Variants in PICALM observed in about 807,000 individuals in gnomAD.
PICALM encodes phosphatidylinositol-binding clathrin assembly protein.
In PICALM, 40 loss-of-function variants were observed where a neutral mutation model predicts 80.5. The ratio of observed to expected loss-of-function variants is 0.50; its 90% CI spans 0.39 to 0.65. The LOEUF (loss-of-function observed/expected upper bound fraction) is 0.65. PICALM is among the 30% of genes least tolerant of loss of function. PICALM has a pLI of 0.00. For missense variants in PICALM, 676 were observed against 778.9 expected (o/e 0.87, Z 1.57); for synonymous variants, 288 against 260.3 (o/e 1.11, Z -1.02).
At chr11:86,005,427 C>A (rs559408626) in intron 8 of PICALM, among the ~76,000 whole-genome samples, 1 of 152,200 alleles carries the variant, frequency 6.6e-6, no homozygotes, top group African/African-American at 2.4e-5. Flanking sequence ...AGGCTGGGCA[C>A]AGTGACTCAC....
intron 19 of PICALM, among the ~76,000 whole-genome samples, chr11:85,959,374 T>C (rs1002458744): frequency 6.6e-6 from 1 of 151,984 alleles, no homozygotes; most frequent in Admixed American, 6.6e-5. Flanking sequence ...ACACCTGTAA[T>C]CCCAGCACTC....
At chr11:86,022,981 G>T (rs1247902111) in intron 3 of PICALM, among the ~76,000 whole-genome samples, 1 of 152,014 alleles carries the variant, frequency 6.6e-6, no homozygotes, top group African/African-American at 2.4e-5. Context: ...CAAGTTCAGG[G>T]TGTAACAAAA....
intron 19 of PICALM, among the ~76,000 whole-genome samples, chr11:85,965,815 G>GTTTTTTTT (rs914561533): frequency 7.9e-4 from 85 of 108,132 alleles, no homozygotes; most frequent in East Asian, 4.4e-3. Flanking sequence ...TTGTTTTTTT[G>GTTTTTTTT]TTTTTTTTTT....
At chr11:86,023,940 A>G (rs1413743411) in intron 3 of PICALM, among the ~76,000 whole-genome samples, 2 of 152,116 alleles carry the variant, frequency 1.3e-5, no homozygotes, top group African/African-American at 2.4e-5. Context: ...CCTGGTCAAC[A>G]GAGCAAGAGC....
chr11:86,055,581 C>G (rs1471787087), intron 1 of PICALM, among the ~76,000 whole-genome samples: 2 of 152,164 alleles, frequency 1.3e-5, no homozygotes. Flanking sequence ...ACATTTTTCT[C>G]CTGCACAATT....
intron 13 of PICALM, among the ~76,000 whole-genome samples, chr11:85,985,096 C>T (rs1175696302): frequency 6.6e-6 from 1 of 152,112 alleles, no homozygotes; most frequent in Non-Finnish European, 1.5e-5. Flanking sequence ...AAAAACTACA[C>T]CATTAGGGAG....
intron 19 of PICALM, among the ~76,000 whole-genome samples, chr11:85,960,032 T>C (rs1466510755): frequency 6.6e-6 from 1 of 152,192 alleles, no homozygotes; most frequent in Non-Finnish European, 1.5e-5. Flanking sequence ...AAATTTGAAA[T>C]ATTATTTCCA....
At chr11:85,978,380 A>C in intron 17 of PICALM, 1 of 222,144 alleles carries the variant, frequency 4.5e-6, no homozygotes, top group Non-Finnish European at 8.9e-6. Flanking sequence ...AACAGTGCAA[A>C]ATTTTGGGCA....
chr11:85,989,100 CCT>C (rs2094681802), intron 13 of PICALM, among the ~76,000 whole-genome samples: 1 of 152,150 alleles, frequency 6.6e-6, no homozygotes, highest in South Asian at 2.1e-4. Flanking sequence ...AAATGTCTTC[CCT>C]CTGTCAAGGT....
Position 86,026,386 on chromosome 11 carries a change from A to G in PICALM, c.274-19T>C. On this transcript the variant is annotated intron_variant, in intron 2 of 19. Transcript: ENST00000393346. ...TAAAACGCTGGAAAAAAAAAATTAC[A>G]TCATATTAAGGTACTGCCATCTCAC... 2 of 1,512,552 alleles carry G rather than the reference A, an allele frequency of 1.3e-6. No homozygotes were observed. The highest frequency in any genetic ancestry group is 2.3e-5 in the East Asian group (1 of 44,230). 93.7% of individuals were successfully genotyped at this position (1,512,552 alleles called of 1,614,324 possible).
chr11:85,967,736 C>T (rs986160918), intron 19 of PICALM, among the ~76,000 whole-genome samples: 1 of 151,990 alleles, frequency 6.6e-6, no homozygotes, highest in Non-Finnish European at 1.5e-5. Context: ...AACCAAAAAA[C>T]AAAACCAAAA....
chr11:86,044,847 G>A (rs2096042741), intron 1 of PICALM, among the ~76,000 whole-genome samples: 1 of 152,290 alleles, frequency 6.6e-6, no homozygotes, highest in Non-Finnish European at 1.5e-5. Context: ...AGAATCTAAT[G>A]CCTATGATCG....
chr11:86,029,543 T>G (rs1014846999), intron 2 of PICALM, among the ~76,000 whole-genome samples: 2 of 152,232 alleles, frequency 1.3e-5, no homozygotes, highest in African/African-American at 4.8e-5. Context: ...TGTCAGTCAA[T>G]CTACAAAATG....
chr11:85,966,481 C>T (rs2093903031), intron 19 of PICALM, among the ~76,000 whole-genome samples: 1 of 152,144 alleles, frequency 6.6e-6, no homozygotes, highest in African/African-American at 2.4e-5. Context: ...TTCATTTGAT[C>T]CTTACAGCAA....
chr11:86,051,671 GA>G (rs1215371291), intron 1 of PICALM, among the ~76,000 whole-genome samples: 1 of 151,682 alleles, frequency 6.6e-6, no homozygotes, highest in African/African-American at 2.4e-5. Flanking sequence ...AAAAAGAAAA[GA>G]AAAAAAGTAT....
At chr11:85,964,017 T>G (rs2093788235) in intron 19 of PICALM, among the ~76,000 whole-genome samples, 1 of 148,820 alleles carries the variant, frequency 6.7e-6, no homozygotes, top group Non-Finnish European at 1.5e-5. Context: ...CACACCTAGC[T>G]TAAAGAAGGT....
chr11:86,011,200 A>G lies in PICALM; in HGVS notation c.659-64T>C, dbSNP rs1041649518. On this transcript the variant is annotated intron_variant, in intron 6 of 19. Coordinates refer to ENST00000393346, the MANE Select transcript of PICALM (RefSeq NM_007166.4). The stretch of plus-strand genomic sequence containing the variant: ...AAATATAACACCCAAAAAAGGAAAA[A>G]AAAAGTAGGTAATAGCTCCAAATAG... The G allele has an allele frequency of 1.3e-5, 9 of 694,960 alleles. No individual in the cohort carries two copies. In the East Asian group the frequency reaches 2.4e-4, roughly 19 times the overall value. The allele number at this position is 694,960 out of a possible 1,614,324, so 43.0% of individuals were successfully genotyped here. A position where few individuals can be genotyped will look rare whatever the true frequency, so the allele number is the denominator to read the frequency against.
chr11:86,045,430 A>G (rs2137159469), intron 1 of PICALM, among the ~76,000 whole-genome samples: 1 of 140,418 alleles, frequency 7.1e-6, no homozygotes, highest in African/African-American at 2.6e-5. Context: ...TCAGCCCAAG[A>G]GTTTGAGGCT....
At chr11:85,959,551 T>C (rs1038484566) in intron 19 of PICALM, among the ~76,000 whole-genome samples, 7 of 138,346 alleles carry the variant, frequency 5.1e-5, no homozygotes, top group Non-Finnish European at 9.1e-5. Context: ...GAGAATGGCT[T>C]GAACCCAGGA....
Sources: gnomAD v4.1 joint callset for allele counts (sites outside exome capture counted in the v4.1 genomes callset) on GRCh38, gnomAD v4.1.1 for gene constraint, MANE v1.5 for transcripts, NCBI Gene and HGNC (gene_info 2026-07-23, HGNC 2026-07-21) for gene names.